ABAT: variants seen among roughly 807,000 people sequenced by gnomAD.
ABAT encodes 4-aminobutyrate aminotransferase, also known as 4-aminobutyrate aminotransferase, mitochondrial.
In ABAT, 45 loss-of-function variants were observed where a neutral mutation model predicts 64.6. The observed-to-expected ratio is 0.70, with a 90% CI of 0.55 to 0.89. ABAT has a LOEUF of 0.89. ABAT is among the 40% of genes least tolerant of loss of function. ABAT has a pLI of 0.00. For synonymous variants in ABAT, 297 were observed against 250.5 expected (o/e 1.19, Z -1.75); for missense variants, 633 against 658.4 (o/e 0.96, Z 0.42).
chr16:8,768,798 T>C (rs1175243462), intron 10 of ABAT, 27 bp from the exon 11 acceptor site: 30 of 1,613,898 alleles, frequency 1.9e-5, no homozygotes, highest in African/African-American at 4.0e-5. Context: ...AAGCCAAGCG[T>C]CTGCTTTTCT....
Position 8,779,496 on chromosome 16 carries a change from C to A in ABAT, c.1287C>A (p.Phe429Leu), listed in dbSNP as rs772526517. The change falls in exon 15 of 16, where the codon TTC becomes TTA. Residue 429 changes from phenylalanine (F) to leucine (L), a missense_variant. Coordinates refer to ENST00000268251, the MANE Select transcript of ABAT (RefSeq NM_020686.6). ...LLDLQARYPQFISRVRGRGTF... is the reference protein window; with the variant it reads ...LLDLQARYPQLISRVRGRGTF... Reference sequence around the variant, plus strand: ...CACTACAGGCCCGGTACCCCCAGTTCATCAGCAGGGTGAGAGGACGAGGCA... The same window carrying A: ...CACTACAGGCCCGGTACCCCCAGTTAATCAGCAGGGTGAGAGGACGAGGCA... 6.8e-6 allele frequency: 11 copies of A among 1,614,050 alleles called. No homozygotes were observed. In the African/African-American group the frequency reaches 1.1e-4, roughly 16 times the overall value.
At chr16:8,712,853 G>C (rs1043851927) in intron 1 of ABAT, 1 of 152,254 alleles carries the variant, frequency 6.6e-6, no homozygotes, top group Non-Finnish European at 1.5e-5. Flanking sequence ...GAACCAGTGT[G>C]TCTCTCCTGC....
At chr16:8,778,121 T>G (rs1055190766) in intron 14 of ABAT, among the ~76,000 whole-genome samples, 1 of 152,100 alleles carries the variant, frequency 6.6e-6, no homozygotes, top group Non-Finnish European at 1.5e-5. Flanking sequence ...TCCAAGCCCT[T>G]GTTTGCTGTC....
intron 3 of ABAT, among the ~76,000 whole-genome samples, chr16:8,746,690 C>T (rs1237635118): frequency 1.3e-5 from 2 of 150,266 alleles, no homozygotes; most frequent in Non-Finnish European, 3.0e-5. Context: ...CCAACCTGGG[C>T]AGCAGAGCAA....
intron 1 of ABAT, among the ~76,000 whole-genome samples, chr16:8,702,556 C>G (rs1359310887): frequency 6.6e-6 from 1 of 152,120 alleles, no homozygotes; most frequent in East Asian, 1.9e-4. Flanking sequence ...CCTGGCTACA[C>G]TCTTTTAAAC....
intron 12 of ABAT, among the ~76,000 whole-genome samples, chr16:8,773,730 C>T (rs975099654): frequency 1.3e-5 from 2 of 152,180 alleles, no homozygotes; most frequent in Non-Finnish European, 2.9e-5. Context: ...TTGCCAGCCT[C>T]TGATAGGCGT....
intron 5 of ABAT, among the ~76,000 whole-genome samples, chr16:8,753,375 G>A (rs57150993): frequency 0.023 from 3,577 of 152,252 alleles, 127 homozygotes; most frequent in African/African-American, 0.079. Context: ...GAATACAGGC[G>A]TGAGCCACCG....
At position 8,717,892 on chromosome 16, in the gene ABAT, C is replaced by G. The variant is rs115923637; in HGVS notation, c.-41-17807C>G. Among the ~76,000 whole-genome samples, 634 of 151,982 alleles carry G rather than the reference C, an allele frequency of 4.2e-3. 5 individuals are homozygous for G. The highest frequency in any genetic ancestry group is 0.015 in the African/African-American group (616 of 41,414). On this transcript the variant is annotated intron_variant, in intron 1 of 15. Transcript: ENST00000268251. ...CTGATCTCAATCTCCTGGGCTCAAG[C>G]GATCCTCTCACCTTGGCCTCCCAAC...
chr16:8,709,888 A>G (rs1640981), intron 1 of ABAT, among the ~76,000 whole-genome samples: 104,295 of 151,072 alleles, frequency 0.69, 36,899 homozygotes, highest in East Asian at 0.88. Context: ...GTGGCACGGT[A>G]GCACAATCTC....
chr16:8,678,513 C>T lies in ABAT; in HGVS notation c.-42+3802C>T, dbSNP rs192243526. Among the ~76,000 whole-genome samples, 47 of 152,362 alleles carry T rather than the reference C, an allele frequency of 3.1e-4. No individual in the cohort carries two copies. The East Asian group carries it at 6.5e-3, about 21-fold the overall frequency. On this transcript the variant is annotated intron_variant, in intron 1 of 15. Transcript: ENST00000268251. ...TTGTCTAAGACCATCACCCGCTTCTCCACCAGGCATCAGAGAAACATCCAT... is the reference window on the plus strand; with the variant it reads ...TTGTCTAAGACCATCACCCGCTTCTTCACCAGGCATCAGAGAAACATCCAT...
intron 3 of ABAT, 141 bp downstream of exon 3, chr16:8,746,239 A>G (rs1395891298): frequency 9.4e-6 from 7 of 740,754 alleles, no homozygotes; most frequent in African/African-American, 5.2e-5. Context: ...GAGATACTCA[A>G]TGAGGCCATT....
chr16:8,734,909 A>G (rs1465282182), intron 1 of ABAT, among the ~76,000 whole-genome samples: 6 of 152,098 alleles, frequency 3.9e-5, no homozygotes. Context: ...CAGGCTCCCA[A>G]TAAGAATGGC....
At chr16:8,707,175 C>G (rs889064410) in intron 1 of ABAT, among the ~76,000 whole-genome samples, 2 of 151,996 alleles carry the variant, frequency 1.3e-5, no homozygotes, top group African/African-American at 4.8e-5. Flanking sequence ...GGTGGTCTAG[C>G]AGAATAATCA....
chr16:8,674,962 C>G (rs896661413), intron 1 of ABAT, among the ~76,000 whole-genome samples: 36 of 152,130 alleles, frequency 2.4e-4, no homozygotes, highest in African/African-American at 8.4e-4. Flanking sequence ...AGTCCTCTCC[C>G]TTTTACCGCT....
rs374279834 is a variant in ABAT at position 8,691,949 on chromosome 16, C to A, written c.-42+17238C>A. On this transcript the variant is annotated intron_variant, in intron 1 of 15. Coordinates refer to ENST00000268251, the MANE Select transcript of ABAT (RefSeq NM_020686.6). The stretch of plus-strand genomic sequence containing the variant: ...AATAAAAGAGCACAACTTCTATACC[C>A]CTTCCAGTGTTTTCACAGGAAGTTT... Among the ~76,000 whole-genome samples the A allele has an allele frequency of 6.6e-5, 10 of 152,320 alleles. No individual in the cohort carries two copies. In the East Asian group the frequency reaches 7.7e-4, roughly 12 times the overall value.
intron 2 of ABAT, among the ~76,000 whole-genome samples, chr16:8,737,920 TAAAAA>T (rs55678780): frequency 1.4e-5 from 1 of 69,662 alleles, no homozygotes; most frequent in Non-Finnish European, 2.5e-5. Context: ...AGACTGAGAT[TAAAAA>T]AAAAAAAAAG....
At chr16:8,734,326 T>C (rs1162003020) in intron 1 of ABAT, among the ~76,000 whole-genome samples, 1 of 152,222 alleles carries the variant, frequency 6.6e-6, no homozygotes, top group African/African-American at 2.4e-5. Flanking sequence ...CAGGCCTGCC[T>C]CATTCATCCC....
chr16:8,703,165 G>A (rs2057863495), intron 1 of ABAT, among the ~76,000 whole-genome samples: 1 of 152,010 alleles, frequency 6.6e-6, no homozygotes, highest in Non-Finnish European at 1.5e-5. Flanking sequence ...TGCTGTTAAG[G>A]GCCGGGTGCA....
At chr16:8,735,401 A>C (rs1207394647) in intron 1 of ABAT, among the ~76,000 whole-genome samples, 1 of 151,846 alleles carries the variant, frequency 6.6e-6, no homozygotes, top group East Asian at 1.9e-4. Flanking sequence ...ATAGGCAGGC[A>C]CCACCACACC....
Sources: gnomAD v4.1 joint callset for allele counts (sites outside exome capture counted in the v4.1 genomes callset) on GRCh38, gnomAD v4.1.1 for gene constraint, MANE v1.5 for transcripts, NCBI Gene and HGNC (gene_info 2026-07-23, HGNC 2026-07-21) for gene names.